The following RETREG1 variants were observed in gnomAD, a reference collection of about 807,000 sequenced individuals.
The protein encoded by RETREG1 is reticulophagy regulator 1, also known as family with sequence similarity 134 member B.
Under a neutral mutation model 54.8 loss-of-function variants are expected in RETREG1, and 44 were observed. The observed-to-expected ratio is 0.80, with a 90% CI of 0.63 to 1.03. The LOEUF (loss-of-function observed/expected upper bound fraction) is 1.03, where lower values mean the gene tolerates loss of function less well. Ranked by LOEUF, RETREG1 falls within the 50% of genes least tolerant of loss-of-function variation. The pLI, the probability that RETREG1 is intolerant of heterozygous loss-of-function variation, is 0.00. For missense variants in RETREG1, 554 were observed against 605.1 expected, an observed-to-expected ratio of 0.92 and a Z score of 0.89; for synonymous variants, 217 against 238.5, an observed-to-expected ratio of 0.91 and a Z score of 0.83.
chr5:16,539,562 G>A (rs955333515), intron 3 of RETREG1, among the ~76,000 whole-genome samples: 2 of 152,074 alleles, frequency 1.3e-5, no homozygotes, highest in Admixed American at 6.6e-5. Context: ...CCTCCTGCTC[G>A]GCACTCTCCT....
chr5:16,559,794 C>T (rs966903694), intron 3 of RETREG1, among the ~76,000 whole-genome samples: 1 of 152,154 alleles, frequency 6.6e-6, no homozygotes, highest in Non-Finnish European at 1.5e-5. Context: ...CTTTCTCATT[C>T]GTTAAGAGGA....
intron 3 of RETREG1, among the ~76,000 whole-genome samples, chr5:16,501,612 G>A (rs189616894): frequency 2.0e-5 from 3 of 151,730 alleles, no homozygotes; most frequent in African/African-American, 7.3e-5. Flanking sequence ...GTATGATCTC[G>A]GCTCACTGCA....
In RETREG1 at chr5:16,492,199, C is replaced by CCTCTCTCT. The variant is rs369038338; in HGVS notation, c.459-8735_459-8728dup. 6.8e-3 allele frequency among the ~76,000 whole-genome samples: 927 copies of CCTCTCTCT among 135,942 alleles called. 5 individuals carry two copies. The highest frequency in any genetic ancestry group is 0.014 in the Admixed American group (186 of 12,862). 89.2% of individuals were successfully genotyped at this position (135,942 alleles called of 152,430 possible). The stretch of plus-strand genomic sequence containing the variant: ...GGAGAACATTTTCAGACAGTGTTGT[C>CCTCTCTCT]CTCTCTCTCTCTCTCTCTCTCTCTC... On this transcript the variant is annotated intron_variant, in intron 3 of 8. Coordinates refer to ENST00000306320, the MANE Select transcript of RETREG1 (RefSeq NM_001034850.3).
chr5:16,612,126 T>C (rs1743361493), intron 1 of RETREG1, among the ~76,000 whole-genome samples: 2 of 151,530 alleles, frequency 1.3e-5, no homozygotes, highest in Non-Finnish European at 2.9e-5. Flanking sequence ...TACAAAGCTT[T>C]AGGGAAGTCC....
At chr5:16,538,768 G>C (rs552672046) in intron 3 of RETREG1, among the ~76,000 whole-genome samples, 300 of 151,444 alleles carry the variant, frequency 2.0e-3, no homozygotes, top group African/African-American at 7.1e-3. Flanking sequence ...GCAGTGGCAC[G>C]ATCTCGGCTC....
chr5:16,557,729 C>T (rs925359988), intron 3 of RETREG1, among the ~76,000 whole-genome samples: 4 of 152,172 alleles, frequency 2.6e-5, no homozygotes, highest in East Asian at 1.9e-4. Flanking sequence ...TTCCCAGGCT[C>T]GCCTAGGCCT....
In RETREG1 at chr5:16,609,221, C is replaced by CT. The variant is rs1579728313; in HGVS notation, c.320+7430dup. On this transcript the variant is annotated intron_variant, in intron 1 of 8. Coordinates refer to ENST00000306320, the MANE Select transcript of RETREG1 (RefSeq NM_001034850.3). ...AACGTCATCTTTGGTGTTCAGTTAA[C>CT]TTTTTTCTGGGCCTCCTGTTTCCTC... is the stretch of plus-strand genomic sequence containing the variant. Among the ~76,000 whole-genome samples the CT allele has an allele frequency of 3.3e-5, 5 of 152,252 alleles. No individual in the cohort carries two copies. The South Asian group carries it at 1.0e-3, about 32-fold the overall frequency.
At chr5:16,508,613 T>G in intron 3 of RETREG1, 1 of 1,614,198 alleles carries the variant, frequency 6.2e-7, no homozygotes, top group Non-Finnish European at 8.5e-7. Flanking sequence ...CTTCAGGCAT[T>G]TCTGCCCTTT....
chr5:16,520,794 T>C (rs1351364529), intron 3 of RETREG1, among the ~76,000 whole-genome samples: 1 of 152,128 alleles, frequency 6.6e-6, no homozygotes, highest in Non-Finnish European at 1.5e-5. Context: ...GTAAAGTCTG[T>C]GAGAAACAAT....
At chr5:16,548,097 T>C (rs1477645132) in intron 3 of RETREG1, among the ~76,000 whole-genome samples, 1 of 152,066 alleles carries the variant, frequency 6.6e-6, no homozygotes, top group Non-Finnish European at 1.5e-5. Context: ...AACACACAAC[T>C]CTATGAAATA....
chr5:16,485,384 G>A (rs567024129), intron 3 of RETREG1, among the ~76,000 whole-genome samples: 2 of 152,236 alleles, frequency 1.3e-5, no homozygotes, highest in Admixed American at 1.3e-4. Context: ...TAAATGAACA[G>A]TTCATAACTC....
rs192623529 is a variant in RETREG1 at position 16,483,180 on chromosome 5, G to A, written c.585+166C>T. ...TGAGGCTGAGGATTATCTAGTGTTC[G>A]CACACTCACACATCTGAACCTTGCT... is the stretch of plus-strand genomic sequence containing the variant. On this transcript the variant is annotated intron_variant, in intron 4 of 8. Coordinates refer to ENST00000306320, the MANE Select transcript of RETREG1 (RefSeq NM_001034850.3). 1.5e-3 allele frequency: 1,071 copies of A among 718,604 alleles called. 4 individuals carry two copies. The highest frequency in any genetic ancestry group is 1.7e-3 in the South Asian group (97 of 57,740). 44.5% of individuals were successfully genotyped at this position (718,604 alleles called of 1,614,324 possible). A position where few individuals can be genotyped will look rare whatever the true frequency, so the allele number is the denominator to read the frequency against.
chr5:16,539,718 C>T (rs1029750245), intron 3 of RETREG1, among the ~76,000 whole-genome samples: 1 of 152,192 alleles, frequency 6.6e-6, no homozygotes, highest in African/African-American at 2.4e-5. Context: ...AGAACTCACA[C>T]CTCTGTCAGG....
At position 16,477,647 on chromosome 5, in the gene RETREG1, G is replaced by A. The variant is rs1738592846; in HGVS notation, c.1000+15C>T. The A allele has an allele frequency of 4.3e-6, 7 of 1,611,964 alleles. No homozygotes were observed. Among genetic ancestry groups the A allele is most frequent in the Non-Finnish European group, 5.9e-6 (7 of 1,178,542 alleles). On this transcript the variant is annotated intron_variant, in intron 8 of 8. Transcript: ENST00000306320. ...GCACTCATAAAAATAAATGTCTCCAGAAATATTAGCATACCATCAGAAGTG... is the reference window on the plus strand; with the variant it reads ...GCACTCATAAAAATAAATGTCTCCAAAAATATTAGCATACCATCAGAAGTG...
chr5:16,595,412 T>C (rs1332256606), intron 1 of RETREG1, among the ~76,000 whole-genome samples: 1 of 152,216 alleles, frequency 6.6e-6, no homozygotes, highest in African/African-American at 2.4e-5. Context: ...TGAGTTGTGT[T>C]ATGATTACTA....
In RETREG1 at chr5:16,474,188, T is replaced by C. The variant is rs1230476475; in HGVS notation, c.*553A>G. The C allele has an allele frequency of 6.3e-6, 1 of 157,596 alleles. No individual in the cohort carries two copies. 9.8% of individuals were successfully genotyped at this position (157,596 alleles called of 1,614,324 possible). A position where few individuals can be genotyped will look rare whatever the true frequency, so the allele number is the denominator to read the frequency against. On this transcript the variant is annotated 3_prime_UTR_variant, in exon 9 of 9. Transcript: ENST00000306320. ...CAGAGTACTTAAATATACTTTTAAA[T>C]TTTTTCCTAAGAAATTAATTTTGAT...
chr5:16,533,945 G>C (rs1330554446), intron 3 of RETREG1, among the ~76,000 whole-genome samples: 1 of 152,154 alleles, frequency 6.6e-6, no homozygotes, highest in Non-Finnish European at 1.5e-5. Context: ...CTAATGCAAA[G>C]TCTGGTGAGA....
chr5:16,510,098 G>A (rs1364916007), intron 3 of RETREG1, among the ~76,000 whole-genome samples: 3 of 152,220 alleles, frequency 2.0e-5, no homozygotes, highest in African/African-American at 7.2e-5. Context: ...TATATTTAAT[G>A]TATATTTTAC....
intron 3 of RETREG1, among the ~76,000 whole-genome samples, chr5:16,487,477 G>A (rs940573131): frequency 4.6e-5 from 7 of 152,076 alleles, no homozygotes; most frequent in Non-Finnish European, 8.8e-5. Flanking sequence ...CATCCTCGTA[G>A]CCAGTCCAGT....
Sources: gnomAD v4.1 joint callset for allele counts (sites outside exome capture counted in the v4.1 genomes callset) on GRCh38, gnomAD v4.1.1 for gene constraint, MANE v1.5 for transcripts, NCBI Gene and HGNC (gene_info 2026-07-23, HGNC 2026-07-21) for gene names.